The following RSU1 variants were observed in gnomAD, a reference collection of about 807,000 sequenced individuals.
RSU1 encodes rsu-1.
RSU1 carries 26 observed loss-of-function variants against 31.1 expected under a neutral mutation model. The observed-to-expected ratio is 0.84, with a 90% confidence interval of 0.61 to 1.16. The LOEUF is 1.16. Ranked by LOEUF, RSU1 falls within the 50% of genes most tolerant of loss-of-function variation. RSU1 has a pLI of 0.00. For missense variants in RSU1, 320 were observed against 339.1 expected (o/e 0.94, Z 0.44); for synonymous variants, 164 against 136.3 (o/e 1.20, Z -1.41).
intron 8 of RSU1, among the ~76,000 whole-genome samples, chr10:16,646,107 C>T (rs1038268406): frequency 7.1e-6 from 1 of 140,574 alleles, no homozygotes; most frequent in African/African-American, 3.0e-5. Context: ...TATAAATGTG[C>T]ATTCAAAACA....
chr10:16,685,624 T>C (rs989095208), intron 8 of RSU1, among the ~76,000 whole-genome samples: 11 of 149,278 alleles, frequency 7.4e-5, no homozygotes, highest in African/African-American at 2.6e-4. Flanking sequence ...CAGAGGTTAC[T>C]CTCATCGCCA....
intron 8 of RSU1, among the ~76,000 whole-genome samples, chr10:16,658,585 G>T (rs961169753): frequency 6.6e-6 from 1 of 152,122 alleles, no homozygotes; most frequent in South Asian, 2.1e-4. Flanking sequence ...TTAACCGAGC[G>T]TGGTGGCAGG....
At chr10:16,795,385 A>AG (rs1221115834) in intron 2 of RSU1, among the ~76,000 whole-genome samples, 1 of 151,900 alleles carries the variant, frequency 6.6e-6, no homozygotes, top group Non-Finnish European at 1.5e-5. Context: ...TTAAAAAAAA[A>AG]TAAGGTAATA....
At chr10:16,717,519 A>T (rs1244512757) in intron 7 of RSU1, among the ~76,000 whole-genome samples, 2 of 152,226 alleles carry the variant, frequency 1.3e-5, no homozygotes, top group African/African-American at 4.8e-5. Context: ...TGAAAAGAAA[A>T]CCACAACTAT....
At chr10:16,651,929 G>C (rs541297008) in intron 8 of RSU1, among the ~76,000 whole-genome samples, 3 of 152,252 alleles carry the variant, frequency 2.0e-5, no homozygotes, top group Non-Finnish European at 4.4e-5. Context: ...CTACTTCAAA[G>C]AAATGGCTGG....
intron 7 of RSU1, among the ~76,000 whole-genome samples, chr10:16,712,696 G>C (rs199874783): frequency 6.6e-6 from 1 of 151,946 alleles, no homozygotes; most frequent in Non-Finnish European, 1.5e-5. Context: ...TGTTGTTTTT[G>C]ACCTTTTTGA....
In RSU1 at chr10:16,594,104, G is replaced by GTAAT. The variant is rs202118957; in HGVS notation, c.732-612_732-609dup. Among the ~76,000 whole-genome samples the GTAAT allele has an allele frequency of 5.3e-3, 807 of 152,326 alleles. 6 individuals are homozygous for GTAAT. Among genetic ancestry groups the GTAAT allele is most frequent in the African/African-American group, 0.018 (765 of 41,562 alleles). On this transcript the variant is annotated intron_variant, in intron 8 of 8. Coordinates refer to ENST00000345264, the MANE Select transcript of RSU1 (RefSeq NM_012425.4). The stretch of plus-strand genomic sequence containing the variant: ...AGAGGATTTAACTGAACAGCAGAAG[G>GTAAT]TAATTAATCGATAATTTATGAGTAA...
At chr10:16,594,787 ATATT>A (rs1564280009) in intron 8 of RSU1, among the ~76,000 whole-genome samples, 3 of 141,112 alleles carry the variant, frequency 2.1e-5, no homozygotes, top group Non-Finnish European at 4.5e-5. Flanking sequence ...ATATATATAT[ATATT>A]TTTTTTTTTT....
intron 2 of RSU1, among the ~76,000 whole-genome samples, chr10:16,810,230 CA>C (rs67510919): frequency 0.093 from 14,048 of 151,270 alleles, 860 homozygotes; most frequent in Non-Finnish European, 0.14. Context: ...GACTGTGTCT[CA>C]AAAAATAAAA....
intron 7 of RSU1, among the ~76,000 whole-genome samples, chr10:16,724,855 A>G (rs1836351269): frequency 6.6e-6 from 1 of 152,246 alleles, no homozygotes; most frequent in Admixed American, 6.5e-5. Flanking sequence ...AAAATGAATG[A>G]AATACTGCTC....
chr10:16,653,998 G>C (rs2131518137), intron 8 of RSU1, among the ~76,000 whole-genome samples: 1 of 151,960 alleles, frequency 6.6e-6, no homozygotes, highest in South Asian at 2.1e-4. Context: ...GGGTAACTGT[G>C]ACTTCTTTTT....
intron 7 of RSU1, among the ~76,000 whole-genome samples, chr10:16,708,658 G>A (rs1311478871): frequency 1.3e-5 from 2 of 152,002 alleles, no homozygotes; most frequent in Non-Finnish European, 2.9e-5. Flanking sequence ...CAAATCTGTA[G>A]ATTATTTTAG....
At chr10:16,703,266 G>A (rs983455229) in intron 7 of RSU1, among the ~76,000 whole-genome samples, 10 of 152,156 alleles carry the variant, frequency 6.6e-5, no homozygotes, top group Non-Finnish European at 1.5e-4. Context: ...TTATAGCAGT[G>A]CGAGAACAGA....
intron 4 of RSU1, among the ~76,000 whole-genome samples, chr10:16,755,211 T>TC: frequency 6.6e-6 from 1 of 152,016 alleles, no homozygotes; most frequent in East Asian, 1.9e-4. Flanking sequence ...AGCCTCAACC[T>TC]CCCCAGGCTC....
At chr10:16,676,993 G>A (rs373138930) in intron 8 of RSU1, among the ~76,000 whole-genome samples, 46 of 152,248 alleles carry the variant, frequency 3.0e-4, no homozygotes, top group South Asian at 1.2e-3. Flanking sequence ...CTTGAATGTC[G>A]CATGTGCCTG....
chr10:16,646,538 C>T (rs1041256727), intron 8 of RSU1, among the ~76,000 whole-genome samples: 1 of 152,176 alleles, frequency 6.6e-6, no homozygotes, highest in East Asian at 1.9e-4. Context: ...GGTCCCCGCA[C>T]ACACTTCCAT....
chr10:16,776,709 C>T lies in RSU1; in HGVS notation c.160+5325G>A, dbSNP rs368423451. Among the ~76,000 whole-genome samples, 13 of 151,652 alleles carry T rather than the reference C, an allele frequency of 8.6e-5. No homozygotes were observed. In the East Asian group the frequency reaches 1.2e-3, roughly 14 times the overall value. On this transcript the variant is annotated intron_variant, in intron 3 of 8. Coordinates refer to ENST00000345264, the MANE Select transcript of RSU1 (RefSeq NM_012425.4). ...CTTTTGAAAAGTTTTACATAAATGT[C>T]GGCTCCTCAATGTTTGCACAGAGCA...
chr10:16,685,199 G>A (rs995126101), intron 8 of RSU1, among the ~76,000 whole-genome samples: 3 of 152,092 alleles, frequency 2.0e-5, no homozygotes, highest in Non-Finnish European at 2.9e-5. Flanking sequence ...GCAGTGAGCC[G>A]AGATCGCACC....
At chr10:16,594,682 T>G (rs1351451789) in intron 8 of RSU1, among the ~76,000 whole-genome samples, 2 of 145,386 alleles carry the variant, frequency 1.4e-5, no homozygotes, top group African/African-American at 5.2e-5. Flanking sequence ...TCATATATTA[T>G]CTGTATATTA....
Sources: allele counts gnomAD v4.1 joint callset (sites outside exome capture counted in the v4.1 genomes callset), GRCh38; gene constraint gnomAD v4.1.1; transcripts MANE v1.5; gene names NCBI Gene and HGNC (gene_info 2026-07-23, HGNC 2026-07-21).